SORCS2: variants seen among roughly 807,000 people sequenced by gnomAD.
SORCS2 encodes sortilin related VPS10 domain containing receptor 2, also known as VPS10 domain-containing receptor SorCS2.
A neutral mutation model predicts 141.6 loss-of-function variants in SORCS2; 100 were observed. That is an observed-to-expected ratio of 0.71 (90% CI 0.60 to 0.83). SORCS2 has a LOEUF of 0.83. Ranked by LOEUF, SORCS2 falls within the 40% of genes least tolerant of loss-of-function variation. The pLI is 0.00. For missense variants in SORCS2, 1,646 were observed against 1,560.2 expected, an observed-to-expected ratio of 1.05 and a Z score of -0.93; for synonymous variants, 789 against 676.9, an observed-to-expected ratio of 1.17 and a Z score of -2.57.
At chr4:7,209,709 T>C (rs1292347265) in intron 1 of SORCS2, among the ~76,000 whole-genome samples, 1 of 150,752 alleles carries the variant, frequency 6.6e-6, no homozygotes, top group Non-Finnish European at 1.5e-5. Context: ...TTCACTCACC[T>C]CCCTGCTGTG....
At chr4:7,653,785 A>G (rs1175918127) in intron 4 of SORCS2, among the ~76,000 whole-genome samples, 1 of 152,156 alleles carries the variant, frequency 6.6e-6, no homozygotes, top group Non-Finnish European at 1.5e-5. Flanking sequence ...CCCTGGCAAC[A>G]CGTGGCTCCT....
At chr4:7,400,633 G>A (rs13106023) in intron 2 of SORCS2, among the ~76,000 whole-genome samples, 22,446 of 152,190 alleles carry the variant, frequency 0.15, 1,797 homozygotes, top group Non-Finnish European at 0.18. Flanking sequence ...ATGGACAGCC[G>A]GGTGGATGGA....
intron 2 of SORCS2, among the ~76,000 whole-genome samples, chr4:7,468,367 C>T (rs1164584177): frequency 2.6e-5 from 4 of 152,240 alleles, no homozygotes; most frequent in African/African-American, 7.2e-5. Context: ...CCATCCCCCT[C>T]ACGCTATGTC....
intron 1 of SORCS2, among the ~76,000 whole-genome samples, chr4:7,295,601 G>A (rs1043514243): frequency 5.9e-5 from 9 of 152,336 alleles, no homozygotes; most frequent in African/African-American, 1.7e-4. Context: ...CCAGCCTCAC[G>A]TCCATGTCCT....
intron 1 of SORCS2, among the ~76,000 whole-genome samples, chr4:7,294,679 TCCTCCTCCCCCTCATCCTCTC>T (rs1716845324): frequency 3.2e-5 from 3 of 92,844 alleles, no homozygotes; most frequent in African/African-American, 8.6e-5. Context: ...CTCCTCCTCC[TCCTCCTCCCCCTCATCCTCTC>T]CCTCCCCTCC....
chr4:7,531,178 C>CT (rs1212872437), intron 2 of SORCS2, among the ~76,000 whole-genome samples: 1 of 152,226 alleles, frequency 6.6e-6, no homozygotes. Context: ...CCTTTGGAGG[C>CT]TTCTCTGGTC....
At chr4:7,486,170 C>T (rs929256058) in intron 2 of SORCS2, among the ~76,000 whole-genome samples, 5 of 115,618 alleles carry the variant, frequency 4.3e-5, no homozygotes, top group Non-Finnish European at 7.6e-5. Flanking sequence ...CTCCTGAGGC[C>T]TCTCCCATAG....
chr4:7,570,565 G>A (rs1715321562), intron 3 of SORCS2, among the ~76,000 whole-genome samples: 1 of 152,260 alleles, frequency 6.6e-6, no homozygotes, highest in Non-Finnish European at 1.5e-5. Context: ...ACACCGCCCT[G>A]TAGATCCGCC....
At chr4:7,599,935 C>T (rs534663741) in intron 3 of SORCS2, among the ~76,000 whole-genome samples, 37 of 151,816 alleles carry the variant, frequency 2.4e-4, no homozygotes, top group African/African-American at 8.2e-4. Flanking sequence ...GCAATTCTCA[C>T]GCCTCAGCCT....
intron 3 of SORCS2, among the ~76,000 whole-genome samples, chr4:7,588,275 C>G (rs1479828856): frequency 1.3e-5 from 2 of 152,210 alleles, no homozygotes; most frequent in South Asian, 2.1e-4. Flanking sequence ...ATGTCTCCCA[C>G]AAAGCTGCCC....
At chr4:7,438,209 A>G (rs1727429845) in intron 2 of SORCS2, among the ~76,000 whole-genome samples, 2 of 152,180 alleles carry the variant, frequency 1.3e-5, no homozygotes, top group South Asian at 4.1e-4. Context: ...GAGGCCTTCC[A>G]TCGGGAGCTG....
intron 1 of SORCS2, among the ~76,000 whole-genome samples, chr4:7,282,019 C>A (rs1472523911): frequency 6.6e-6 from 1 of 152,334 alleles, no homozygotes; most frequent in East Asian, 1.9e-4. Flanking sequence ...CCTCGTGGAG[C>A]TCCTAAGGGG....
intron 2 of SORCS2, among the ~76,000 whole-genome samples, chr4:7,491,943 A>G (rs1163048752): frequency 2.6e-5 from 4 of 152,208 alleles, no homozygotes; most frequent in Non-Finnish European, 5.9e-5. Flanking sequence ...CCTGAGCACC[A>G]TGAATGTTGG....
chr4:7,457,021 T>C (rs1408125597), intron 2 of SORCS2, among the ~76,000 whole-genome samples: 1 of 152,108 alleles, frequency 6.6e-6, no homozygotes, highest in African/African-American at 2.4e-5. Flanking sequence ...CTGGGCATGG[T>C]GCTGGCAGAG....
chr4:7,487,131 G>A (rs978422350), intron 2 of SORCS2, among the ~76,000 whole-genome samples: 3 of 152,154 alleles, frequency 2.0e-5, no homozygotes, highest in African/African-American at 7.2e-5. Flanking sequence ...GTAACGATGT[G>A]ACTCACCCTC....
intron 2 of SORCS2, among the ~76,000 whole-genome samples, chr4:7,455,356 G>T (rs1446155612): frequency 2.2e-5 from 2 of 89,710 alleles, no homozygotes; most frequent in Non-Finnish European, 4.3e-5. Flanking sequence ...GGGGTCAGGC[G>T]CTATGTTGGG....
At chr4:7,475,110 C>A (rs547672315) in intron 2 of SORCS2, among the ~76,000 whole-genome samples, 1 of 152,288 alleles carries the variant, frequency 6.6e-6, no homozygotes, top group South Asian at 2.1e-4. Flanking sequence ...AGGGGTAAGG[C>A]CTTAAACATA....
intron 2 of SORCS2, among the ~76,000 whole-genome samples, chr4:7,468,542 T>C (rs1729760189): frequency 6.6e-6 from 1 of 152,228 alleles, no homozygotes; most frequent in Non-Finnish European, 1.5e-5. Flanking sequence ...TGGTTCTGGG[T>C]GCAGTGGGGG....
chr4:7,551,773 G>A (rs1577736194), intron 3 of SORCS2, among the ~76,000 whole-genome samples: 2 of 152,224 alleles, frequency 1.3e-5, no homozygotes, highest in East Asian at 3.9e-4. Flanking sequence ...CTCTTTATCA[G>A]ATGACTTTTA....
Sources: gnomAD v4.1 joint callset for allele counts (sites outside exome capture counted in the v4.1 genomes callset) on GRCh38, gnomAD v4.1.1 for gene constraint, MANE v1.5 for transcripts, NCBI Gene and HGNC (gene_info 2026-07-23, HGNC 2026-07-21) for gene names.